PGCKA1: variants seen among roughly 807,000 people sequenced by gnomAD.
PGCKA1 encodes the protein PDCD10 and GCKIII kinases associated 1, also known as PDCD10 and GCKIII kinases-associated protein 1.
the PGCKA1 span, among the ~76,000 whole-genome samples, chr4:37,517,287 GTATAAA>G: frequency 2.0e-5 from 3 of 147,462 alleles, no homozygotes; most frequent in East Asian, 2.0e-4. Flanking sequence ...ATATAAATAT[GTATAAA>G]TATAAATATA....
chr4:37,519,445 A>G, the PGCKA1 span, among the ~76,000 whole-genome samples: 25 of 152,024 alleles, frequency 1.6e-4, no homozygotes, highest in Non-Finnish European at 3.5e-4. Context: ...TTCTTTCACC[A>G]ATGTTTTATA....
At chr4:37,554,424 G>A in the PGCKA1 span, among the ~76,000 whole-genome samples, 57,846 of 151,782 alleles carry the variant, frequency 0.38, 11,729 homozygotes, top group East Asian at 0.58. Context: ...CAATGAGCTC[G>A]CTGCACCCTC....
At chr4:37,559,378 G>T in the PGCKA1 span, among the ~76,000 whole-genome samples, 2 of 137,352 alleles carry the variant, frequency 1.5e-5, no homozygotes, top group East Asian at 2.2e-4. Context: ...CTCACTCATA[G>T]ATGGGAATTG....
At chr4:37,530,290 G>A in the PGCKA1 span, among the ~76,000 whole-genome samples, 5 of 152,102 alleles carry the variant, frequency 3.3e-5, no homozygotes, top group South Asian at 4.1e-4. Flanking sequence ...TAGCAATGCC[G>A]GCTGGGCATG....
chr4:37,454,865 A>C, the PGCKA1 span, among the ~76,000 whole-genome samples: 3 of 152,178 alleles, frequency 2.0e-5, no homozygotes, highest in African/African-American at 7.2e-5. Flanking sequence ...GACTTAGTAC[A>C]TTTTATGTTA....
the PGCKA1 span, among the ~76,000 whole-genome samples, chr4:37,554,247 C>G: frequency 6.6e-6 from 1 of 152,180 alleles, no homozygotes; most frequent in Non-Finnish European, 1.5e-5. Context: ...AACTGTGAGT[C>G]CATTAAACCT....
chr4:37,563,723 C>G, the PGCKA1 span, among the ~76,000 whole-genome samples: 1 of 152,120 alleles, frequency 6.6e-6, no homozygotes, highest in African/African-American at 2.4e-5. Flanking sequence ...GTAGCCTTAC[C>G]AGACTATATT....
At chr4:37,454,695 G>C in the PGCKA1 span, among the ~76,000 whole-genome samples, 1 of 152,214 alleles carries the variant, frequency 6.6e-6, no homozygotes, top group Non-Finnish European at 1.5e-5. Flanking sequence ...GCATCTCCCA[G>C]CTTGGTTACT....
chr4:37,480,221 C>T, the PGCKA1 span, among the ~76,000 whole-genome samples: 2 of 152,164 alleles, frequency 1.3e-5, no homozygotes, highest in Non-Finnish European at 2.9e-5. Context: ...GGCCAGGTGC[C>T]GTGGCTCACG....
the PGCKA1 span, among the ~76,000 whole-genome samples, chr4:37,571,357 T>A: frequency 0.029 from 632 of 21,962 alleles, 18 homozygotes; most frequent in South Asian, 0.12. Context: ...CTATTATCCT[T>A]TTTTTTTTTT....
At chr4:37,515,582 C>T in the PGCKA1 span, among the ~76,000 whole-genome samples, 1 of 152,210 alleles carries the variant, frequency 6.6e-6, no homozygotes, top group Non-Finnish European at 1.5e-5. Context: ...TACTACGGGA[C>T]AAGCAGTATA....
At chr4:37,465,814 A>C in the PGCKA1 span, among the ~76,000 whole-genome samples, 1 of 152,164 alleles carries the variant, frequency 6.6e-6, no homozygotes, top group Non-Finnish European at 1.5e-5. Flanking sequence ...CTGTCCTGTA[A>C]GCTTGGTGAG....
the PGCKA1 span, among the ~76,000 whole-genome samples, chr4:37,521,921 CCTTTAT>C: frequency 2.6e-5 from 4 of 152,136 alleles, no homozygotes; most frequent in Admixed American, 6.5e-5. Context: ...CAAATTGACC[CCTTTAT>C]CTTTATGTAG....
chr4:37,561,856 G>C, the PGCKA1 span, among the ~76,000 whole-genome samples: 1 of 152,188 alleles, frequency 6.6e-6, no homozygotes, highest in Non-Finnish European at 1.5e-5. Flanking sequence ...ATTTGCATAT[G>C]TATTGTTAAT....
chr4:37,562,284 T>C, the PGCKA1 span, among the ~76,000 whole-genome samples: 1 of 152,236 alleles, frequency 6.6e-6, no homozygotes, highest in Non-Finnish European at 1.5e-5. Flanking sequence ...ACCAAGTGTA[T>C]ATGTAAAGCA....
At chr4:37,533,182 T>G in the PGCKA1 span, among the ~76,000 whole-genome samples, 4 of 152,236 alleles carry the variant, frequency 2.6e-5, no homozygotes, top group Admixed American at 2.0e-4. Context: ...CCAAGTATCT[T>G]TGGCTTAAGC....
At chr4:37,522,670 A>G in the PGCKA1 span, among the ~76,000 whole-genome samples, 2 of 152,068 alleles carry the variant, frequency 1.3e-5, no homozygotes, top group African/African-American at 4.8e-5. Context: ...TTCAGGGGCC[A>G]GGGGCTCTTC....
the PGCKA1 span, among the ~76,000 whole-genome samples, chr4:37,519,868 G>T: frequency 3.3e-5 from 5 of 152,090 alleles, no homozygotes; most frequent in African/African-American, 9.6e-5. Context: ...TTCACTTTTC[G>T]CCATTCAATA....
chr4:37,517,110 G>T, the PGCKA1 span, among the ~76,000 whole-genome samples: 1 of 151,800 alleles, frequency 6.6e-6, no homozygotes, highest in African/African-American at 2.4e-5. Flanking sequence ...AATTAGCCAG[G>T]CATGGTGGCA....
Sources: allele counts gnomAD v4.1 joint callset (sites outside exome capture counted in the v4.1 genomes callset), GRCh38; gene constraint gnomAD v4.1.1; transcripts MANE v1.5; gene names NCBI Gene and HGNC (gene_info 2026-07-23, HGNC 2026-07-21).